The following PCDHGB3 variants were observed in gnomAD, a reference collection of about 807,000 sequenced individuals.
PCDHGB3 encodes the protein protocadherin gamma subfamily B, 3.
PCDHGB3 carries 40 observed loss-of-function variants against 59.2 expected under a neutral mutation model. That is an observed-to-expected ratio of 0.68 (90% CI 0.52 to 0.88). PCDHGB3 has a LOEUF of 0.88. Ranked by LOEUF, PCDHGB3 falls within the 40% of genes least tolerant of loss-of-function variation. PCDHGB3 has a pLI of 0.00. For missense variants in PCDHGB3, 1,309 were observed against 1,187.9 expected, an observed-to-expected ratio of 1.10 and a Z score of -1.50; for synonymous variants, 581 against 503.6, an observed-to-expected ratio of 1.15 and a Z score of -2.06.
At chr5:141,442,837 A>G (rs2098346617) in intron 1 of PCDHGB3, among the ~76,000 whole-genome samples, 1 of 152,202 alleles carries the variant, frequency 6.6e-6, no homozygotes, top group Admixed American at 6.5e-5. Flanking sequence ...GGGAGGGACA[A>G]ATCTTGGCCA....
In PCDHGB3 at chr5:141,477,125, A is replaced by G; in HGVS notation, c.2416-17682A>G. The G allele has an allele frequency of 2.5e-6, 4 of 1,614,212 alleles. No individual in the cohort carries two copies. The highest frequency in any genetic ancestry group is 3.4e-6 in the Non-Finnish European group (4 of 1,180,036). On this transcript the variant is annotated intron_variant, in intron 1 of 3. Transcript: ENST00000576222. This position sits in a 1 kb window ranked among gnomAD's most constrained non-coding sequence, Gnocchi z 4.9. ...CGCCAATCCCGAAGGAGCACATTGC[A>G]AAGTGTTGGTGGAGGTTGTGGATGT...
At chr5:141,413,195 G>A (rs771456948) in intron 1 of PCDHGB3, 2 of 1,610,846 alleles carry the variant, frequency 1.2e-6, no homozygotes, top group Admixed American at 1.7e-5. Context: ...CAAAGGAATC[G>A]CTCAAAGGAA....
chr5:141,414,990 C>A (rs1442265707), intron 1 of PCDHGB3: 5 of 1,613,794 alleles, frequency 3.1e-6, no homozygotes, highest in Admixed American at 1.7e-5. Context: ...CCGGCCAGAA[C>A]GCCTGGCTGT....
chr5:141,458,366 GGAGAA>G (rs1437271099), intron 1 of PCDHGB3, among the ~76,000 whole-genome samples: 1 of 152,090 alleles, frequency 6.6e-6, no homozygotes, highest in African/African-American at 2.4e-5. Flanking sequence ...AAGAAGGAAG[GGAGAA>G]GAGAGAAGGA....
Position 141,491,188 on chromosome 5 carries a change from G to A in PCDHGB3, c.2416-3619G>A. On this transcript the variant is annotated intron_variant, in intron 1 of 3. Transcript: ENST00000576222. This position sits in a 1 kb window ranked among gnomAD's most constrained non-coding sequence, Gnocchi z 6.9. Reference sequence around the variant, plus strand: ...CCAGCAGGTGGTGGTCCTGGTGAGGGACAATGGTGACCCTTCACTCTCCTC... The same window carrying A: ...CCAGCAGGTGGTGGTCCTGGTGAGGAACAATGGTGACCCTTCACTCTCCTC... The A allele has an allele frequency of 6.2e-7, 1 of 1,614,198 alleles. No individual in the cohort carries two copies. The highest frequency in any genetic ancestry group is 1.1e-5 in the South Asian group (1 of 91,086).
chr5:141,434,174 C>T (rs1310074584), intron 1 of PCDHGB3, among the ~76,000 whole-genome samples: 1 of 152,132 alleles, frequency 6.6e-6, no homozygotes, highest in Non-Finnish European at 1.5e-5. Flanking sequence ...GGGATTATAT[C>T]CAAGATTTGT....
At chr5:141,481,812 C>T (rs2099545604) in intron 1 of PCDHGB3, among the ~76,000 whole-genome samples, 2 of 149,798 alleles carry the variant, frequency 1.3e-5, no homozygotes, top group South Asian at 2.1e-4. Context: ...ATTCACCAGG[C>T]GTGGTGGCTG....
chr5:141,370,528 C>T lies in PCDHGB3; in HGVS notation c.134C>T (p.Ser45Leu), dbSNP rs896464914. 21 of 1,613,784 alleles carry T rather than the reference C, an allele frequency of 1.3e-5. No individual in the cohort carries two copies. The highest frequency in any genetic ancestry group is 1.6e-4 in the Middle Eastern group (1 of 6,062). Residue 45 changes from serine to leucine, a missense_variant, in exon 1 of 4, where the codon TCG (serine) becomes TTG (leucine). Coordinates refer to ENST00000576222, the MANE Select transcript of PCDHGB3 (RefSeq NM_018924.5). ...ATTCCCGAGGAGCTGGACAGGGGCTCGCTGGTAGGGAACCTCGCCAAGGAC... is the reference window on the plus strand; with the variant it reads ...ATTCCCGAGGAGCTGGACAGGGGCTTGCTGGTAGGGAACCTCGCCAAGGAC... ...YAIPEELDRGSLVGNLAKDLG... is the reference protein window; with the variant it reads ...YAIPEELDRGLLVGNLAKDLG...
At chr5:141,450,033 G>T (rs1377962229) in intron 1 of PCDHGB3, among the ~76,000 whole-genome samples, 2 of 131,450 alleles carry the variant, frequency 1.5e-5, no homozygotes, top group Admixed American at 8.4e-5. Flanking sequence ...TTGAGACAGG[G>T]TCTCACTCTT....
In PCDHGB3 at chr5:141,422,509, C is replaced by G. The variant is rs1249006816; in HGVS notation, c.2415+49700C>G. On this transcript the variant is annotated intron_variant, in intron 1 of 3. Coordinates refer to ENST00000576222, the MANE Select transcript of PCDHGB3 (RefSeq NM_018924.5). ...CAATATAACGTTGACAGCCACAGAC[C>G]AGGGAAGCCCGCCTTTGTCTGCAGA... The G allele has an allele frequency of 1.9e-6, 3 of 1,613,836 alleles. No homozygotes were observed. In the South Asian group the frequency reaches 3.3e-5, roughly 18 times the overall value.
Position 141,384,414 on chromosome 5 carries a change from C to T in PCDHGB3, c.2415+11605C>T, listed in dbSNP as rs1159996307. 5 of 1,613,838 alleles carry T rather than the reference C, an allele frequency of 3.1e-6. No individual in the cohort carries two copies. In the East Asian group the frequency reaches 8.9e-5, roughly 29 times the overall value. ...AGGGGGCTCCAGTGTCCTCCTATGT[C>T]TCCATAAACTCTGACACTGGAGTCC... On this transcript the variant is annotated intron_variant, in intron 1 of 3. Coordinates refer to ENST00000576222, the MANE Select transcript of PCDHGB3 (RefSeq NM_018924.5).
chr5:141,421,842 A>G (rs1209505923), intron 1 of PCDHGB3: 1 of 1,613,744 alleles, frequency 6.2e-7, no homozygotes, highest in Non-Finnish European at 8.5e-7. Context: ...ACCGAGAGAA[A>G]GAGGCTGCTC....
rs1404533394 is a variant in PCDHGB3, at chr5:141,491,708, G to T, written c.2416-3099G>T. ...CTGCGGGAGCGGAGCCAGGTGAGGG[G>T]CTCGGCGCCGCCCCGGGCGACCCCT... On this transcript the variant is annotated intron_variant, in intron 1 of 3. Transcript: ENST00000576222. The surrounding 1 kb of genome is among the most constrained non-coding windows in gnomAD (Gnocchi z 6.9). 1 of 1,610,132 alleles carries T rather than the reference G, an allele frequency of 6.2e-7. No individual in the cohort carries two copies. Among genetic ancestry groups the T allele is most frequent in the Admixed American group, 1.7e-5 (1 of 59,518 alleles).
At chr5:141,396,410 G>C (rs2093377441) in intron 1 of PCDHGB3, 1 of 152,250 alleles carries the variant, frequency 6.6e-6, no homozygotes, top group Non-Finnish European at 1.5e-5. Context: ...CCTGAGGTCA[G>C]GAGTTCAAGA....
chr5:141,414,408 C>A (rs1190630924), intron 1 of PCDHGB3: 1 of 1,613,752 alleles, frequency 6.2e-7, no homozygotes, highest in Non-Finnish European at 8.5e-7. Context: ...TGGTGATACA[C>A]AGAGCCCTTG....
chr5:141,377,969 A>G (rs1165356824), intron 1 of PCDHGB3: 1 of 152,202 alleles, frequency 6.6e-6, no homozygotes, highest in African/African-American at 2.4e-5. Context: ...ACTTGAATCT[A>G]TGTTCCTGGG....
chr5:141,374,519 G>C (rs769907625), intron 1 of PCDHGB3: 94 of 1,612,334 alleles, frequency 5.8e-5, no homozygotes, highest in Non-Finnish European at 7.8e-5. Flanking sequence ...TCTCGAAAAC[G>C]CAGCTCCATC....
intron 1 of PCDHGB3, among the ~76,000 whole-genome samples, chr5:141,397,411 T>G (rs1464488353): frequency 6.6e-6 from 1 of 152,210 alleles, no homozygotes; most frequent in East Asian, 1.9e-4. Context: ...AAAATAGTTT[T>G]AAATAGTATA....
Position 141,485,757 on chromosome 5 carries a change from T to A in PCDHGB3, c.2416-9050T>A. The A allele has an allele frequency of 6.2e-7, 1 of 1,614,174 alleles. No homozygotes were observed. The highest frequency in any genetic ancestry group is 8.5e-7 in the Non-Finnish European group (1 of 1,180,028). The stretch of plus-strand genomic sequence containing the variant: ...GACGGCAGCCTGGTCCCAGAGCTGC[T>A]CCTGGAGAAGCCTTTGGATCGAGAG... On this transcript the variant is annotated intron_variant, in intron 1 of 3. Transcript: ENST00000576222. The surrounding 1 kb of genome is among the most constrained non-coding windows in gnomAD (Gnocchi z 5.7).
Sources: gnomAD v4.1 joint callset for allele counts (sites outside exome capture counted in the v4.1 genomes callset) on GRCh38, gnomAD v4.1.1 for gene constraint, Gnocchi (gnomAD v3.1) non-coding constraint, MANE v1.5 for transcripts, NCBI Gene and HGNC (gene_info 2026-07-23, HGNC 2026-07-21) for gene names.